SLC30A8: variants seen among roughly 807,000 people sequenced by gnomAD.
The protein encoded by SLC30A8 is solute carrier family 30 member 8.
SLC30A8 carries 27 observed loss-of-function variants against 36.9 expected under a neutral mutation model. The ratio of observed to expected loss-of-function variants is 0.73; its 90% CI spans 0.54 to 1.01. The LOEUF (loss-of-function observed/expected upper bound fraction) is 1.01, where lower values mean the gene tolerates loss of function less well. Among genes scored for constraint, SLC30A8 ranks in the 50% least tolerant of loss-of-function variants. The pLI is 0.00. For missense variants in SLC30A8, 439 were observed against 452.0 expected (o/e 0.97, Z 0.26); for synonymous variants, 164 against 172.4 (o/e 0.95, Z 0.38).
intron 5 of SLC30A8, among the ~76,000 whole-genome samples, chr8:117,162,115 C>G (rs1415353165): frequency 6.6e-6 from 1 of 152,154 alleles, no homozygotes; most frequent in Non-Finnish European, 1.5e-5. Context: ...ACATCTCTGG[C>G]TCACTTTAGC....
intron 2 of SLC30A8, among the ~76,000 whole-genome samples, chr8:117,095,097 C>A (rs1338834293): frequency 2.0e-5 from 3 of 152,342 alleles, no homozygotes; most frequent in African/African-American, 4.8e-5. Context: ...ATGCCCAGAT[C>A]TGCAGCCATG....
chr8:117,049,120 A>G (rs944737447), intron 2 of SLC30A8, among the ~76,000 whole-genome samples: 7 of 152,228 alleles, frequency 4.6e-5, no homozygotes, highest in Admixed American at 3.9e-4. Flanking sequence ...TTTGTAAACT[A>G]GAAGTTACTA....
chr8:117,081,579 G>A (rs4876701), intron 2 of SLC30A8, among the ~76,000 whole-genome samples: 15,218 of 152,138 alleles, frequency 0.1, 928 homozygotes, highest in East Asian at 0.14. Flanking sequence ...TTGGAGGACT[G>A]CAATTCAGTC....
At chr8:116,963,935 C>A (rs1814515255) in intron 1 of SLC30A8, among the ~76,000 whole-genome samples, 1 of 152,196 alleles carries the variant, frequency 6.6e-6, no homozygotes. Flanking sequence ...ATTCTCCCTA[C>A]CAACTTCAAA....
At chr8:117,139,828 G>A (rs1157119137) in intron 1 of SLC30A8, among the ~76,000 whole-genome samples, 1 of 149,614 alleles carries the variant, frequency 6.7e-6, no homozygotes, top group Non-Finnish European at 1.5e-5. Context: ...AACAGAGGCT[G>A]CGCATGCAGG....
chr8:117,074,828 C>T (rs569915182), intron 2 of SLC30A8, among the ~76,000 whole-genome samples: 17 of 152,184 alleles, frequency 1.1e-4, no homozygotes, highest in Middle Eastern at 3.4e-3. Flanking sequence ...TAGTAAGATC[C>T]GTTTATCTGC....
chr8:117,004,081 T>C (rs1244041094), intron 1 of SLC30A8, among the ~76,000 whole-genome samples: 1 of 152,198 alleles, frequency 6.6e-6, no homozygotes, highest in Non-Finnish European at 1.5e-5. Flanking sequence ...ATCTGAGCAC[T>C]AACAAAATCT....
At chr8:116,973,275 C>T (rs920384997) in intron 1 of SLC30A8, among the ~76,000 whole-genome samples, 2 of 152,138 alleles carry the variant, frequency 1.3e-5, no homozygotes, top group Non-Finnish European at 2.9e-5. Context: ...CAGACTAAGA[C>T]ACCTTCCTTG....
intron 1 of SLC30A8, among the ~76,000 whole-genome samples, chr8:116,994,220 G>A (rs971352019): frequency 6.6e-6 from 1 of 152,038 alleles, no homozygotes; most frequent in African/African-American, 2.4e-5. Flanking sequence ...ATGTGAACTG[G>A]TGCAACCACT....
At chr8:117,159,479 T>G (rs544849009) in intron 4 of SLC30A8, among the ~76,000 whole-genome samples, 1 of 152,352 alleles carries the variant, frequency 6.6e-6, no homozygotes, top group South Asian at 2.1e-4. Context: ...TCTCACTTAC[T>G]CAGCTCTCAG....
rs1173113714 is a variant in SLC30A8 at position 117,166,256 on chromosome 8, T to A, written c.829+2726T>A. ...GTCCCATACATATGTACAATTATCA[T>A]GTCAATTTAAAACTGTTTAAAATTT... On this transcript the variant is annotated intron_variant, in intron 6 of 7. Coordinates refer to ENST00000456015, the MANE Select transcript of SLC30A8 (RefSeq NM_173851.3). Among the ~76,000 whole-genome samples, 3 of 152,206 alleles carry A rather than the reference T, an allele frequency of 2.0e-5. No individual in the cohort carries two copies. The South Asian group carries it at 6.2e-4, about 31-fold the overall frequency.
intron 1 of SLC30A8, among the ~76,000 whole-genome samples, chr8:116,992,621 G>C (rs888585370): frequency 6.6e-6 from 1 of 152,118 alleles, no homozygotes; most frequent in African/African-American, 2.4e-5. Context: ...CAGTTTGTAT[G>C]CAGTCTCTCT....
chr8:117,108,367 A>G (rs1336954370), intron 2 of SLC30A8, among the ~76,000 whole-genome samples: 3 of 152,200 alleles, frequency 2.0e-5, no homozygotes, highest in Non-Finnish European at 4.4e-5. Flanking sequence ...ACCAATGGCC[A>G]TAACATTTCT....
intron 1 of SLC30A8, among the ~76,000 whole-genome samples, chr8:117,015,453 T>C (rs1816484777): frequency 6.6e-6 from 1 of 152,118 alleles, no homozygotes; most frequent in African/African-American, 2.4e-5. Flanking sequence ...AAATATCTGG[T>C]TCATCTTTGT....
intron 1 of SLC30A8, among the ~76,000 whole-genome samples, chr8:117,007,394 T>C (rs1259332862): frequency 6.6e-6 from 1 of 152,200 alleles, no homozygotes. Flanking sequence ...TTTTCTGAAG[T>C]AGATTATTTT....
At chr8:117,161,696 G>A (rs1822797362) in intron 4 of SLC30A8, 42 bp from the exon 5 acceptor site, 1 of 1,563,432 alleles carries the variant, frequency 6.4e-7, no homozygotes, top group African/African-American at 1.4e-5. Context: ...ACGTTTTTAA[G>A]ACTGACCTCA....
chr8:117,023,059 T>G (rs1279469839), intron 1 of SLC30A8, among the ~76,000 whole-genome samples: 1 of 152,002 alleles, frequency 6.6e-6, no homozygotes, highest in Non-Finnish European at 1.5e-5. Flanking sequence ...AACAAGTGGG[T>G]GAAGGATATG....
intron 2 of SLC30A8, among the ~76,000 whole-genome samples, chr8:117,094,605 G>A (rs114604315): frequency 0.033 from 4,996 of 152,176 alleles, 192 homozygotes; most frequent in African/African-American, 0.097. Context: ...TGTGCCAGTT[G>A]GTCCATGAGT....
intron 2 of SLC30A8, among the ~76,000 whole-genome samples, chr8:117,079,428 C>A (rs567606997): frequency 1.7e-4 from 26 of 152,184 alleles, no homozygotes; most frequent in Non-Finnish European, 3.5e-4. Context: ...CTAGCACCTC[C>A]ACCAAGTAGC....
Sources: gnomAD v4.1 joint callset for allele counts (sites outside exome capture counted in the v4.1 genomes callset) on GRCh38, gnomAD v4.1.1 for gene constraint, MANE v1.5 for transcripts, NCBI Gene and HGNC (gene_info 2026-07-23, HGNC 2026-07-21) for gene names.